The following CR1 variants were observed in gnomAD, a reference collection of about 807,000 sequenced individuals.
The protein encoded by CR1 is complement C3b/C4b receptor 1 (Knops blood group), also known as complement receptor type 1.
CR1 carries 116 observed loss-of-function variants against 187.3 expected under a neutral mutation model. That is an observed-to-expected ratio of 0.62 (90% confidence interval 0.53 to 0.72). The LOEUF (loss-of-function observed/expected upper bound fraction) is 0.72, where lower values mean the gene tolerates loss of function less well. Ranked by LOEUF, CR1 falls within the 30% of genes least tolerant of loss-of-function variation. The pLI is 0.00. For missense variants in CR1, 1,731 were observed against 2,110.7 expected (o/e 0.82, Z 3.52); for synonymous variants, 576 against 747.1 (o/e 0.77, Z 3.73).
chr1:207,629,376 A>G (rs1662578263), intron 45 of CR1, among the ~76,000 whole-genome samples: 1 of 152,026 alleles, frequency 6.6e-6, no homozygotes. Flanking sequence ...TATTCTCCAA[A>G]ACCCCATGTA....
At position 207,620,050 on chromosome 1, in the gene CR1, G is replaced by A. The variant is rs1386214379; in HGVS notation, c.7237G>A (p.Ala2413Thr). The A allele has an allele frequency of 1.2e-6, 2 of 1,610,706 alleles. No individual in the cohort carries two copies. The highest frequency in any genetic ancestry group is 2.2e-5 in the East Asian group (1 of 44,818). The change falls in exon 43 of 47, where the codon GCC (alanine) becomes ACC (threonine). Residue 2413 changes from alanine (A) to threonine (T), a missense_variant. Transcript: ENST00000367049. ...QADDRWDPPL[A>T]KCTSRTHDAL... The stretch of plus-strand genomic sequence containing the variant: ...GGATGACAGATGGGACCCTCCTCTG[G>A]CCAAATGTACCTCTCGTAAGTGCAA...
In CR1 at chr1:207,581,568, A is replaced by G. The variant is rs540581893; in HGVS notation, c.5217-350A>G. 2.6e-5 allele frequency among the ~76,000 whole-genome samples: 4 copies of G among 152,252 alleles called. No homozygotes were observed. The East Asian group carries it at 7.7e-4, about 29-fold the overall frequency. ...TATAAGAGAAAGTTGTATATAAGAT[A>G]AAATAACATGCAAAGATTATTTCAC... On this transcript the variant is annotated intron_variant, in intron 31 of 46. Transcript: ENST00000367049.
chr1:207,640,371 G>T lies in CR1; in HGVS notation c.*962G>T, dbSNP rs1662946700. ...AGGATGGTCTGGATCTCCTGACCTCGTGATCCACCTGCCTCGGCCTCCCAA... is the reference window on the plus strand; with the variant it reads ...AGGATGGTCTGGATCTCCTGACCTCTTGATCCACCTGCCTCGGCCTCCCAA... On this transcript the variant is annotated 3_prime_UTR_variant, in exon 47 of 47. Transcript: ENST00000367049. 1.3e-5 allele frequency: 2 copies of T among 152,246 alleles called. No homozygotes were observed. The highest frequency in any genetic ancestry group is 3.9e-4 in the East Asian group (2 of 5,166). The allele number at this position is 152,246 out of a possible 1,614,324, so 9.4% of individuals were successfully genotyped here.
chr1:207,631,529 A>G (rs1307337679), intron 46 of CR1, among the ~76,000 whole-genome samples: 2 of 152,192 alleles, frequency 1.3e-5, no homozygotes, highest in Admixed American at 1.3e-4. Context: ...GAAATTTCTC[A>G]CTGGCTAGTT....
chr1:207,590,320 A>G (rs1026967121), intron 35 of CR1, among the ~76,000 whole-genome samples: 1 of 152,218 alleles, frequency 6.6e-6, no homozygotes, highest in Non-Finnish European at 1.5e-5. Flanking sequence ...ATTCTTAAAG[A>G]AAAGAATTTT....
chr1:207,620,148 T>A, intron 43 of CR1, 83 bp downstream of exon 43: 4 of 1,386,068 alleles, frequency 2.9e-6, no homozygotes, highest in African/African-American at 1.4e-5. Flanking sequence ...TCAAGTGTAG[T>A]GTGATGTTTA....
chr1:207,565,328 T>G (rs1038626500), intron 23 of CR1, among the ~76,000 whole-genome samples: 2 of 150,380 alleles, frequency 1.3e-5, no homozygotes, highest in Admixed American at 6.6e-5. Context: ...ATGCTTACTC[T>G]TCAGCAGCCC....
chr1:207,508,272 A>C (rs1378402638), intron 3 of CR1, among the ~76,000 whole-genome samples: 1 of 152,222 alleles, frequency 6.6e-6, no homozygotes, highest in Admixed American at 6.5e-5. Context: ...CCAAGAGTGG[A>C]CCCTAACATA....
In CR1 at chr1:207,591,764, T is replaced by C. The variant is rs1571569098; in HGVS notation, c.5810+2990T>C. On this transcript the variant is annotated intron_variant, in intron 35 of 46. Coordinates refer to ENST00000367049, the MANE Select transcript of CR1 (RefSeq NM_000651.6). ...ACAATAAAAAATGATAAAGGGGATATCACCACTGATCCCACAGAAATACAA... is the reference window on the plus strand; with the variant it reads ...ACAATAAAAAATGATAAAGGGGATACCACCACTGATCCCACAGAAATACAA... Among the ~76,000 whole-genome samples the C allele has an allele frequency of 3.3e-5, 5 of 152,114 alleles. No individual in the cohort carries two copies. In the South Asian group the frequency reaches 1.0e-3, roughly 32 times the overall value.
At chr1:207,515,144 T>TACGTATATATATGTGTAC (rs1659754305) in intron 4 of CR1, among the ~76,000 whole-genome samples, 1 of 129,592 alleles carries the variant, frequency 7.7e-6, no homozygotes, top group East Asian at 2.1e-4. Flanking sequence ...TATACGTGTA[T>TACGTATATATATGTGTAC]ACGTATATAT....
chr1:207,502,111 T>C (rs1659289873), intron 1 of CR1, among the ~76,000 whole-genome samples: 1 of 152,180 alleles, frequency 6.6e-6, no homozygotes, highest in Admixed American at 6.5e-5. Context: ...AAATATGCAT[T>C]GAGTTCTTAT....
chr1:207,505,885 C>CG lies in CR1; in HGVS notation c.122-19_122-18insG. 1 of 1,601,004 alleles carries CG rather than the reference C, an allele frequency of 6.2e-7. No homozygotes were observed. Among genetic ancestry groups the CG allele is most frequent in the Non-Finnish European group, 8.5e-7 (1 of 1,175,082 alleles). ...AATTTCTCCATTAACTTTGATGCTTCTATGGTCTTGATCTCCAGGTCAATG... is the reference window on the plus strand; with the variant it reads ...AATTTCTCCATTAACTTTGATGCTTCGTATGGTCTTGATCTCCAGGTCAATG... On this transcript the variant is annotated intron_variant, in intron 1 of 46. Coordinates refer to ENST00000367049, the MANE Select transcript of CR1 (RefSeq NM_000651.6).
chr1:207,511,693 C>T, intron 4 of CR1, 39 bp downstream of exon 4: 1 of 1,574,942 alleles, frequency 6.3e-7, no homozygotes, highest in Non-Finnish European at 8.7e-7. Context: ...TTTACCGACA[C>T]ATTCTAATTT....
chr1:207,502,062 A>T (rs1397959775), intron 1 of CR1, among the ~76,000 whole-genome samples: 2 of 152,098 alleles, frequency 1.3e-5, no homozygotes, highest in East Asian at 1.9e-4. Context: ...GATTTTTTTG[A>T]GTTTTATAAG....
chr1:207,616,822 T>G lies in CR1; in HGVS notation c.6889+20T>G. 1.9e-6 allele frequency: 3 copies of G among 1,612,938 alleles called. No homozygotes were observed. Among genetic ancestry groups the G allele is most frequent in the Non-Finnish European group, 2.5e-6 (3 of 1,179,352 alleles). On this transcript the variant is annotated intron_variant, in intron 41 of 46. Transcript: ENST00000367049. Reference sequence around the variant, plus strand: ...CTGCTGGTTAGTACCTGCTTCCACATATCCTAAATGGGTTCAGAATATCTA... The same window carrying G: ...CTGCTGGTTAGTACCTGCTTCCACAGATCCTAAATGGGTTCAGAATATCTA...
Position 207,640,135 on chromosome 1 carries a change from T to C in CR1, c.*726T>C, listed in dbSNP as rs74350260. ...TAAGATTTCGATATCTTCTTTTTTT[T>C]TGAGATGGAGTCTGGCTCTGTCTCC... On this transcript the variant is annotated 3_prime_UTR_variant, in exon 47 of 47. Coordinates refer to ENST00000367049, the MANE Select transcript of CR1 (RefSeq NM_000651.6). 6.6e-6 allele frequency: 1 copy of C among 152,208 alleles called. No homozygotes were observed. Among genetic ancestry groups the C allele is most frequent in the African/African-American group, 2.4e-5 (1 of 41,458 alleles). The allele number at this position is 152,208 out of a possible 1,614,324, so 9.4% of individuals were successfully genotyped here.
intron 36 of CR1, 50 bp from the exon 37 acceptor site, chr1:207,609,240 A>T: frequency 6.9e-7 from 1 of 1,447,604 alleles, no homozygotes; most frequent in Non-Finnish European, 9.3e-7. Flanking sequence ...ATAGTAAAAT[A>T]ATTCATTATT....
At position 207,564,234 on chromosome 1, in the gene CR1, G is replaced by A; in HGVS notation, c.3866G>A (p.Gly1289Glu). The A allele has an allele frequency of 6.5e-7, 1 of 1,537,266 alleles. No individual in the cohort carries two copies. The highest frequency in any genetic ancestry group is 8.7e-7 in the Non-Finnish European group (1 of 1,143,192). Residue 1289 changes from glycine to glutamate, a missense_variant and splice_region_variant, in exon 23 of 47, where the codon GGA (glycine) becomes GAA (glutamate). By Grantham distance (98) the Gly-to-Glu change is moderately conservative (BLOSUM62 -2). This residue lies in a region of CR1 where 1,312 missense variants were observed against 1,379.6 expected (regional missense o/e 0.95). Transcript: ENST00000367049. ...AAAGTGGATTTTGTTTGTGATGAAG[G>A]GTGAGTATGAGCTTGCCTGACCTGC... ...GAKVDFVCDEGFQLKGSSASY... is the reference protein window; with the variant it reads ...GAKVDFVCDEEFQLKGSSASY...
In CR1 at chr1:207,626,547, G is replaced by A. The variant is rs373283171; in HGVS notation, c.7352+3479G>A. On this transcript the variant is annotated intron_variant, in intron 45 of 46. Coordinates refer to ENST00000367049, the MANE Select transcript of CR1 (RefSeq NM_000651.6). ...ACACAGAATATGAGTGGAGAGTATC[G>A]TAGTGGTCACCAAGTCAGAAGAGCC... Among the ~76,000 whole-genome samples, 131 of 152,294 alleles carry A rather than the reference G, an allele frequency of 8.6e-4. 1 individual carries two copies. Among genetic ancestry groups the A allele is most frequent in the African/African-American group, 1.0e-3 (43 of 41,566 alleles).
Sources: allele counts gnomAD v4.1 joint callset (sites outside exome capture counted in the v4.1 genomes callset), GRCh38; gene constraint gnomAD v4.1.1; regional missense constraint gnomAD v4.1.1; transcripts MANE v1.5; gene names NCBI Gene and HGNC (gene_info 2026-07-23, HGNC 2026-07-21).